The following EXT1 variants were observed in gnomAD, a reference collection of about 807,000 sequenced individuals.
EXT1 encodes the protein exostosin-1.
Under a neutral mutation model 82.5 loss-of-function variants are expected in EXT1, and 20 were observed. The ratio of observed to expected loss-of-function variants is 0.24; its 90% CI spans 0.17 to 0.35. EXT1 has a LOEUF of 0.35. Among genes scored for constraint, EXT1 ranks in the 10% least tolerant of loss-of-function variants. The pLI, the probability that EXT1 is intolerant of heterozygous loss-of-function variation, is 1.00. For missense variants in EXT1, 757 were observed against 936.5 expected (o/e 0.81, Z 2.50); for synonymous variants, 348 against 350.8 (o/e 0.99, Z 0.09).
chr8:117,887,266 TCCTTGACTAAGG>T (rs1262296131), intron 1 of EXT1, among the ~76,000 whole-genome samples: 3 of 152,234 alleles, frequency 2.0e-5, no homozygotes, highest in Non-Finnish European at 4.4e-5. Context: ...TATTTCCTTC[TCCTTGACTAAGG>T]CAGGAGAAAT....
chr8:117,843,834 T>C (rs560653269), intron 1 of EXT1, among the ~76,000 whole-genome samples: 1 of 152,282 alleles, frequency 6.6e-6, no homozygotes, highest in African/African-American at 2.4e-5. Flanking sequence ...AACTCCTGGA[T>C]TTCTCATTCT....
rs1823079104 is a variant in EXT1 at position 117,795,636 on chromosome 8, A to G, written c.*4076T>C. ...ACATAGCAAAACCCTGTCTCTAATA[A>G]ATATACAAAAATTAGCCCAGTGTGG... On this transcript the variant is annotated 3_prime_UTR_variant, in exon 11 of 11. Coordinates refer to ENST00000378204, the MANE Select transcript of EXT1 (RefSeq NM_000127.3). 1.3e-5 allele frequency: 2 copies of G among 152,116 alleles called. No homozygotes were observed. Among genetic ancestry groups the G allele is most frequent in the East Asian group, 3.9e-4 (2 of 5,164 alleles). 9.4% of individuals were successfully genotyped at this position (152,116 alleles called of 1,614,324 possible).
chr8:118,064,711 G>A (rs1306287561), intron 1 of EXT1, among the ~76,000 whole-genome samples: 1 of 152,098 alleles, frequency 6.6e-6, no homozygotes, highest in African/African-American at 2.4e-5. Flanking sequence ...GGATTGCTGA[G>A]TCAAATGGTA....
At chr8:118,102,878 G>C (rs1817746110) in intron 1 of EXT1, among the ~76,000 whole-genome samples, 1 of 152,034 alleles carries the variant, frequency 6.6e-6, no homozygotes, top group African/African-American at 2.4e-5. Context: ...AGGTCGGCCG[G>C]GCTTGGTGGC....
chr8:117,947,132 A>C (rs1814404369), intron 1 of EXT1, among the ~76,000 whole-genome samples: 1 of 152,144 alleles, frequency 6.6e-6, no homozygotes, highest in South Asian at 2.1e-4. Flanking sequence ...ATGATTACAC[A>C]CAGATGTGTG....
intron 10 of EXT1, among the ~76,000 whole-genome samples, chr8:117,804,441 C>T (rs1308487679): frequency 6.6e-6 from 1 of 152,124 alleles, no homozygotes; most frequent in East Asian, 1.9e-4. Context: ...CATAGCAGCC[C>T]AAATGGACTA....
intron 1 of EXT1, among the ~76,000 whole-genome samples, chr8:117,864,916 A>G (rs1413446784): frequency 6.6e-6 from 1 of 152,210 alleles, no homozygotes; most frequent in African/African-American, 2.4e-5. Context: ...CCTCTTCTCC[A>G]AAGATACACA....
At chr8:118,004,283 T>A (rs1035056148) in intron 1 of EXT1, among the ~76,000 whole-genome samples, 1 of 152,244 alleles carries the variant, frequency 6.6e-6, no homozygotes, top group African/African-American at 2.4e-5. Flanking sequence ...GAGGTGTGCA[T>A]GTGCACGTAT....
At chr8:117,873,411 T>C (rs1044415731) in intron 1 of EXT1, among the ~76,000 whole-genome samples, 18 of 150,778 alleles carry the variant, frequency 1.2e-4, no homozygotes, top group Non-Finnish European at 2.1e-4. Flanking sequence ...ATGGAGAAAA[T>C]TAGCAAGTAT....
At chr8:118,098,329 T>G (rs190457702) in intron 1 of EXT1, among the ~76,000 whole-genome samples, 3 of 152,056 alleles carry the variant, frequency 2.0e-5, no homozygotes, top group African/African-American at 7.2e-5. Flanking sequence ...CCTGGGCCCC[T>G]CCCTTCTCCA....
At chr8:117,917,799 G>A (rs1022328190) in intron 1 of EXT1, among the ~76,000 whole-genome samples, 1 of 152,110 alleles carries the variant, frequency 6.6e-6, no homozygotes, top group Non-Finnish European at 1.5e-5. Context: ...GGTGGGTGGC[G>A]CTGTTAGTCC....
chr8:117,801,801 C>A (rs7459514), intron 10 of EXT1, among the ~76,000 whole-genome samples: 4 of 152,164 alleles, frequency 2.6e-5, no homozygotes, highest in East Asian at 1.9e-4. Context: ...CCACTGTGCC[C>A]GGCCTGTGGG....
intron 8 of EXT1, among the ~76,000 whole-genome samples, chr8:117,812,540 C>G (rs1379059379): frequency 6.6e-6 from 1 of 152,164 alleles, no homozygotes; most frequent in Non-Finnish European, 1.5e-5. Flanking sequence ...AGAACACGCA[C>G]CCTCCCCCTT....
At chr8:117,820,437 C>A (rs1811903974) in intron 5 of EXT1, among the ~76,000 whole-genome samples, 1 of 152,090 alleles carries the variant, frequency 6.6e-6, no homozygotes, top group Non-Finnish European at 1.5e-5. Context: ...ACGTGTGATC[C>A]CAGCAATTTG....
chr8:117,846,671 AG>A (rs1812367291), intron 1 of EXT1, among the ~76,000 whole-genome samples: 1 of 152,160 alleles, frequency 6.6e-6, no homozygotes, highest in African/African-American at 2.4e-5. Flanking sequence ...GTGATGGGGA[AG>A]CCTGAGGTCA....
Position 117,807,206 on chromosome 8 carries a change from A to C in EXT1, c.1883+11T>G. Reference sequence around the variant, plus strand: ...TGTAAAGTCTGTAAGAGACATGTCCAGATTCCTCACTTGTGGTAAATAGCA... The same window carrying C: ...TGTAAAGTCTGTAAGAGACATGTCCCGATTCCTCACTTGTGGTAAATAGCA... On this transcript the variant is annotated intron_variant, in intron 9 of 10. Transcript: ENST00000378204. The C allele has an allele frequency of 6.2e-7, 1 of 1,614,196 alleles. No individual in the cohort carries two copies.
chr8:117,964,858 G>T (rs1814776259), intron 1 of EXT1, among the ~76,000 whole-genome samples: 1 of 151,978 alleles, frequency 6.6e-6, no homozygotes, highest in South Asian at 2.1e-4. Context: ...GGCTGGTGTT[G>T]AACTCCTGAC....
chr8:117,932,508 G>A (rs1814080698), intron 1 of EXT1, among the ~76,000 whole-genome samples: 1 of 152,102 alleles, frequency 6.6e-6, no homozygotes, highest in African/African-American at 2.4e-5. Context: ...AGGCTGTTAC[G>A]TAAAAATGGG....
intron 1 of EXT1, among the ~76,000 whole-genome samples, chr8:117,945,474 C>T (rs1814369055): frequency 6.6e-6 from 1 of 152,132 alleles, no homozygotes; most frequent in African/African-American, 2.4e-5. Context: ...CTCCACTTTC[C>T]TCTTCCAGTT....
Sources: gnomAD v4.1 joint callset for allele counts (sites outside exome capture counted in the v4.1 genomes callset) on GRCh38, gnomAD v4.1.1 for gene constraint, MANE v1.5 for transcripts, NCBI Gene and HGNC (gene_info 2026-07-23, HGNC 2026-07-21) for gene names.